Variants in ABCC1 observed in about 807,000 individuals in gnomAD.
The protein encoded by ABCC1 is multidrug resistance-associated protein 1.
A neutral mutation model predicts 172.9 loss-of-function variants in ABCC1; 83 were observed. The observed-to-expected ratio is 0.48, with a 90% CI of 0.40 to 0.58. ABCC1 has a LOEUF of 0.58. Ranked by LOEUF, ABCC1 falls within the 20% of genes least tolerant of loss-of-function variation. The probability of loss-of-function intolerance (pLI) is 0.00; values close to 1 mark genes in which losing one functional copy is unlikely to be tolerated. For missense variants in ABCC1, 1,817 were observed against 2,002.7 expected (o/e 0.91, Z 1.77); for synonymous variants, 937 against 825.2 (o/e 1.14, Z -2.32).
In ABCC1 at chr16:16,131,931, A is replaced by G. The variant is rs1430723955; in HGVS notation, c.3962A>G (p.Glu1321Gly). The change falls in exon 27 of 31, where the codon GAA becomes GGA. Residue 1321 changes from glutamate (E) to glycine (G), a missense_variant. Glu to Gly is a moderately conservative substitution (Grantham distance 98). Transcript: ENST00000399410. ...ATCAATGTCACGATCAATGGGGGAG[A>G]AAAGGTGGGTACACATCGCCCCATT... is the stretch of plus-strand genomic sequence containing the variant. Reference protein sequence around the residue: ...RHINVTINGGEKVGIVGRTGA... With the variant: ...RHINVTINGGGKVGIVGRTGA... The G allele has an allele frequency of 1.7e-5, 27 of 1,613,328 alleles. No homozygotes were observed. The highest frequency in any genetic ancestry group is 2.1e-5 in the Non-Finnish European group (25 of 1,179,814).
chr16:16,104,069 G>C (rs1156422901), intron 20 of ABCC1, among the ~76,000 whole-genome samples: 3 of 152,156 alleles, frequency 2.0e-5, no homozygotes, highest in Non-Finnish European at 2.9e-5. Flanking sequence ...CTCCCGCTGG[G>C]TTTGTGCTCT....
intron 7 of ABCC1, 25 bp downstream of exon 7, chr16:16,036,628 C>T (rs1463302447): frequency 1.9e-6 from 3 of 1,610,556 alleles, no homozygotes; most frequent in Non-Finnish European, 1.7e-6. Flanking sequence ...CCTTGTCCTC[C>T]AGGATGCCCT....
chr16:16,122,211 G>A (rs779343710), intron 24 of ABCC1, 37 bp downstream of exon 24: 2 of 1,607,604 alleles, frequency 1.2e-6, no homozygotes, highest in African/African-American at 1.3e-5. Context: ...GGTGGAGGAG[G>A]CCGCCTTAGC....
At chr16:16,117,326 G>A (rs1182682397) in intron 23 of ABCC1, among the ~76,000 whole-genome samples, 1 of 152,148 alleles carries the variant, frequency 6.6e-6, no homozygotes, top group Admixed American at 6.5e-5. Context: ...ATCAGATCTT[G>A]TGAGAACTAA....
At chr16:16,072,402 C>A (rs976307384) in intron 14 of ABCC1, among the ~76,000 whole-genome samples, 4 of 151,734 alleles carry the variant, frequency 2.6e-5, no homozygotes, top group African/African-American at 7.3e-5. Flanking sequence ...CCAGGCCGGT[C>A]TCGAACTCCT....
chr16:16,035,964 T>G (rs993555343), intron 6 of ABCC1, among the ~76,000 whole-genome samples: 3 of 147,538 alleles, frequency 2.0e-5, no homozygotes, highest in Non-Finnish European at 4.5e-5. Flanking sequence ...AAATAAAAAA[T>G]AAAAAAAAAA....
chr16:16,068,908 G>A (rs780544412), intron 13 of ABCC1, among the ~76,000 whole-genome samples: 13 of 151,336 alleles, frequency 8.6e-5, no homozygotes, highest in Admixed American at 2.0e-4. Flanking sequence ...AATTGCTTGA[G>A]CCCAGGAGGA....
chr16:16,104,009 C>T (rs560991525), intron 20 of ABCC1, among the ~76,000 whole-genome samples: 7 of 152,092 alleles, frequency 4.6e-5, no homozygotes, highest in East Asian at 3.9e-4. Flanking sequence ...TGCAGACCTT[C>T]GCGGTAAGTG....
intron 13 of ABCC1, 133 bp downstream of exon 13, chr16:16,068,435 G>T: frequency 1.2e-5 from 12 of 1,041,716 alleles, no homozygotes; most frequent in East Asian, 2.4e-5. Context: ...GACAAAGGCT[G>T]CCATGCTTTC....
intron 14 of ABCC1, among the ~76,000 whole-genome samples, chr16:16,075,921 C>T (rs959651293): frequency 7.3e-5 from 11 of 150,298 alleles, no homozygotes; most frequent in African/African-American, 2.2e-4. Context: ...TGCATGTGGA[C>T]GCCAGCTGTT....
chr16:15,962,988 A>C (rs1315915401), intron 1 of ABCC1, among the ~76,000 whole-genome samples: 1 of 152,246 alleles, frequency 6.6e-6, no homozygotes, highest in Non-Finnish European at 1.5e-5. Flanking sequence ...GACAAAATCT[A>C]GTCTCTTTCA....
intron 1 of ABCC1, among the ~76,000 whole-genome samples, chr16:15,991,797 G>T (rs780645236): frequency 6.6e-5 from 10 of 152,104 alleles, no homozygotes; most frequent in South Asian, 4.1e-4. Flanking sequence ...CTTGAACCAT[G>T]CTTCTCTGTC....
chr16:16,047,272 G>T (rs1017679543), intron 9 of ABCC1, among the ~76,000 whole-genome samples: 7 of 152,072 alleles, frequency 4.6e-5, no homozygotes, highest in Non-Finnish European at 8.8e-5. Context: ...TGGCACCCAG[G>T]TGTCATTGTT....
At chr16:15,992,952 C>T (rs2046918207) in intron 1 of ABCC1, among the ~76,000 whole-genome samples, 1 of 152,054 alleles carries the variant, frequency 6.6e-6, no homozygotes, top group South Asian at 2.1e-4. Flanking sequence ...GTATGTGCTT[C>T]CCGAGATCTT....
At position 16,102,685 on chromosome 16, in the gene ABCC1, G is replaced by C; in HGVS notation, c.2703G>C (p.Leu901=). 6.3e-7 allele frequency: 1 copy of C among 1,590,010 alleles called. No individual in the cohort carries two copies. Among genetic ancestry groups the C allele is most frequent in the Non-Finnish European group, 8.6e-7 (1 of 1,168,038 alleles). The change falls in exon 20 of 31, where the codon CTG becomes CTC. Residue 901 remains leucine (L), a synonymous_variant. Coordinates refer to ENST00000399410, the MANE Select transcript of ABCC1 (RefSeq NM_004996.4). ...KEAKQMENGM[L]VTDSAGKQLQ... is the part of the protein sequence containing the mutation. ...CAAAGCAAATGGAGAATGGCATGCT[G>C]GTGACGGACAGTGCAGGGAAGCAAC...
At chr16:15,950,751 CTG>C (rs2045852254) in intron 1 of ABCC1, among the ~76,000 whole-genome samples, 1 of 152,186 alleles carries the variant, frequency 6.6e-6, no homozygotes, top group Non-Finnish European at 1.5e-5. Flanking sequence ...CTGGACACGA[CTG>C]TTTCTCTCTC....
intron 19 of ABCC1, among the ~76,000 whole-genome samples, chr16:16,091,517 G>A (rs537987891): frequency 1.1e-4 from 16 of 152,290 alleles, no homozygotes; most frequent in Non-Finnish European, 1.9e-4. Flanking sequence ...TCAGGCAGGG[G>A]ATAGGGAAAC....
intron 10 of ABCC1, among the ~76,000 whole-genome samples, chr16:16,051,968 C>T (rs561678654): frequency 4.7e-5 from 7 of 148,464 alleles, no homozygotes; most frequent in South Asian, 2.1e-4. Context: ...TGATGGCTCG[C>T]GCCTGTAATC....
intron 1 of ABCC1, among the ~76,000 whole-genome samples, chr16:16,002,853 T>C (rs2047366766): frequency 6.6e-6 from 1 of 152,152 alleles, no homozygotes; most frequent in Non-Finnish European, 1.5e-5. Flanking sequence ...GTAGTGCCTT[T>C]TGTGGCAACA....
Sources: allele counts gnomAD v4.1 joint callset (sites outside exome capture counted in the v4.1 genomes callset), GRCh38; gene constraint gnomAD v4.1.1; transcripts MANE v1.5; gene names NCBI Gene and HGNC (gene_info 2026-07-23, HGNC 2026-07-21).